Variants in MYPN observed in about 807,000 individuals in gnomAD.
The protein encoded by MYPN is myopalladin, also known as sarcomeric protein myopalladin, 145 kDa (MYOP).
A neutral mutation model predicts 129.4 loss-of-function variants in MYPN; 63 were observed. The observed-to-expected ratio is 0.49, with a 90% CI of 0.40 to 0.60. The LOEUF is 0.60. MYPN is among the 20% of genes least tolerant of loss of function. The pLI is 0.00. For synonymous variants in MYPN, 629 were observed against 600.9 expected (o/e 1.05, Z -0.68); for missense variants, 1,596 against 1,635.4 (o/e 0.98, Z 0.42).
intron 10 of MYPN, among the ~76,000 whole-genome samples, chr10:68,170,716 T>C (rs1393720895): frequency 6.6e-6 from 1 of 152,178 alleles, no homozygotes; most frequent in African/African-American, 2.4e-5. Context: ...AGAGCAGTGA[T>C]TCCTCACCCT....
chr10:68,201,220 T>C (rs1322543718), intron 17 of MYPN, among the ~76,000 whole-genome samples: 1 of 152,240 alleles, frequency 6.6e-6, no homozygotes, highest in African/African-American at 2.4e-5. Flanking sequence ...CCACCATTCC[T>C]GGCATTTGCA....
At chr10:68,175,580 G>C (rs1235927545) in intron 12 of MYPN, 119 bp downstream of exon 12, 2 of 1,112,882 alleles carry the variant, frequency 1.8e-6, no homozygotes, top group African/African-American at 3.1e-5. Flanking sequence ...AGCTCAGATG[G>C]TAGAGCACAG....
intron 1 of MYPN, among the ~76,000 whole-genome samples, chr10:68,099,274 T>C (rs2041971390): frequency 6.6e-6 from 1 of 152,208 alleles, no homozygotes; most frequent in Non-Finnish European, 1.5e-5. Flanking sequence ...ATATGCAGCA[T>C]GGCCTTTCTA....
At chr10:68,112,433 A>G (rs2042095249) in intron 1 of MYPN, among the ~76,000 whole-genome samples, 1 of 152,094 alleles carries the variant, frequency 6.6e-6, no homozygotes, top group Non-Finnish European at 1.5e-5. Context: ...TCTTTCCTAC[A>G]TTCTTACTTT....
chr10:68,206,926 A>G (rs775089239), intron 19 of MYPN, 23 bp downstream of exon 19: 1 of 1,613,962 alleles, frequency 6.2e-7, no homozygotes, highest in East Asian at 2.2e-5. Flanking sequence ...CTGTTAGTTG[A>G]ACATCTGTAT....
In MYPN at chr10:68,211,793, G is replaced by A. The variant is rs896640716; in HGVS notation, c.*1338G>A. Reference sequence around the variant, plus strand: ...CACACCAGTCCAAACACTGCCCTGGGAATGCTCATCACAGCACAGTTTGCT... The same window carrying A: ...CACACCAGTCCAAACACTGCCCTGGAAATGCTCATCACAGCACAGTTTGCT... On this transcript the variant is annotated 3_prime_UTR_variant, in exon 20 of 20. Transcript: ENST00000358913. The A allele has an allele frequency of 4.4e-6, 2 of 453,972 alleles. No individual in the cohort carries two copies. The highest frequency in any genetic ancestry group is 4.0e-5 in the African/African-American group (2 of 50,000). 28.1% of individuals were successfully genotyped at this position (453,972 alleles called of 1,614,324 possible).
At chr10:68,115,468 C>T (rs918737153) in intron 1 of MYPN, among the ~76,000 whole-genome samples, 8 of 152,096 alleles carry the variant, frequency 5.3e-5, no homozygotes, top group East Asian at 1.9e-4. Context: ...ATCAGCAAAC[C>T]GCATTGGCTC....
rs764138417 is a variant in MYPN at position 68,174,077 on chromosome 10, A to C, written c.1985A>C (p.Gln662Pro). ...TGTTTTGTGTACAGTGATTCCACTC[A>C]GTTACAACAGCTTCATAACCAAGTC... ...VLAKPKLDST[Q>P]LQQLHNQVLL... The change falls in exon 11 of 20, where the codon CAG becomes CCG. Residue 662 changes from glutamine (Q) to proline (P), a missense_variant. Physicochemically the swap from Gln to Pro is moderately conservative, Grantham distance 76. Coordinates refer to ENST00000358913, the MANE Select transcript of MYPN (RefSeq NM_032578.4). 2 of 1,612,984 alleles carry C rather than the reference A, an allele frequency of 1.2e-6. No homozygotes were observed.
intron 13 of MYPN, among the ~76,000 whole-genome samples, chr10:68,193,209 T>C (rs2134273043): frequency 6.6e-6 from 1 of 152,112 alleles, no homozygotes; most frequent in African/African-American, 2.4e-5. Flanking sequence ...TAGTGAAGTG[T>C]CTACAGAGGG....
intron 4 of MYPN, among the ~76,000 whole-genome samples, chr10:68,147,614 C>G (rs2042689748): frequency 6.6e-6 from 1 of 152,206 alleles, no homozygotes; most frequent in Admixed American, 6.5e-5. Context: ...AAGTCCAGAG[C>G]TTGTTGCTTT....
intron 7 of MYPN, among the ~76,000 whole-genome samples, chr10:68,160,371 AGT>A (rs2042953433): frequency 7.1e-6 from 1 of 141,630 alleles, no homozygotes. Flanking sequence ...GCTGAGTTGC[AGT>A]GAGCTGAGAT....
At chr10:68,161,499 G>C (rs537227151) in intron 7 of MYPN, among the ~76,000 whole-genome samples, 2 of 148,682 alleles carry the variant, frequency 1.3e-5, no homozygotes, top group African/African-American at 5.0e-5. Context: ...TGGGCAACAA[G>C]AGTGAAACTC....
Position 68,203,720 on chromosome 10 carries a change from C to CACAG in MYPN, c.3659+1727_3659+1728insCAGA, listed in dbSNP as rs1554851560. Among the ~76,000 whole-genome samples, 619 of 115,744 alleles carry CACAG rather than the reference C, an allele frequency of 5.3e-3. 3 individuals carry two copies. The highest frequency in any genetic ancestry group is 6.8e-3 in the Non-Finnish European group (334 of 49,046). 75.9% of individuals were successfully genotyped at this position (115,744 alleles called of 152,430 possible). ...ACACACACACACACACATACACACA[C>CACAG]AGAGAGAGAGAGAGAGAGAGAGAGA... On this transcript the variant is annotated intron_variant, in intron 18 of 19. Transcript: ENST00000358913.
chr10:68,126,729 C>T (rs1480368388), intron 2 of MYPN, among the ~76,000 whole-genome samples: 1 of 152,128 alleles, frequency 6.6e-6, no homozygotes, highest in Non-Finnish European at 1.5e-5. Context: ...CCAGCATGGA[C>T]TGAGATAAGG....
intron 18 of MYPN, 48 bp downstream of exon 18, chr10:68,202,042 T>G (rs2043724528): frequency 1.2e-6 from 2 of 1,601,832 alleles, no homozygotes; most frequent in Admixed American, 1.7e-5. Flanking sequence ...CAGTGGGGCT[T>G]GTTGCGCCAC....
rs1204086269 is a variant in MYPN at position 68,203,712 on chromosome 10, T to TACAC, written c.3659+1724_3659+1727dup. On this transcript the variant is annotated intron_variant, in intron 18 of 19. Coordinates refer to ENST00000358913, the MANE Select transcript of MYPN (RefSeq NM_032578.4). ...ACGCACACACACACACACACACACA[T>TACAC]ACACACACAGAGAGAGAGAGAGAGA... Among the ~76,000 whole-genome samples, 630 of 137,994 alleles carry TACAC rather than the reference T, an allele frequency of 4.6e-3. 2 individuals are homozygous for TACAC. Among genetic ancestry groups the TACAC allele is most frequent in the Non-Finnish European group, 6.6e-3 (419 of 63,950 alleles). 90.5% of individuals were successfully genotyped at this position (137,994 alleles called of 152,430 possible).
chr10:68,140,437 C>T (rs2134057053), intron 2 of MYPN, among the ~76,000 whole-genome samples: 1 of 151,546 alleles, frequency 6.6e-6, no homozygotes, highest in South Asian at 2.1e-4. Flanking sequence ...ACTGGTGAGG[C>T]AAGACACATT....
Position 68,121,663 on chromosome 10 carries a change from T to C in MYPN, c.225T>C (p.Ser75=). The C allele has an allele frequency of 1.2e-6, 2 of 1,614,224 alleles. No homozygotes were observed. The highest frequency in any genetic ancestry group is 1.7e-6 in the Non-Finnish European group (2 of 1,180,040). The change falls in exon 2 of 20, where the codon AGT becomes AGC. Residue 75 remains serine, a synonymous_variant. Coordinates refer to ENST00000358913, the MANE Select transcript of MYPN (RefSeq NM_032578.4). ...AFLSQEELDE[S]VNLARLAINY... ...TGAGCCAAGAAGAATTAGACGAAAG[T>C]GTCAATTTGGCAAGACTGGCCATCA...
At position 68,166,409 on chromosome 10, in the gene MYPN, A is replaced by C. The variant is rs567930066; in HGVS notation, c.1716A>C (p.Gln572His). Reference protein sequence around the residue: ...PPHSEPPSVEQPPKPKLEGVL... With the variant: ...PPHSEPPSVEHPPKPKLEGVL... ...ACTCAGAGCCTCCATCTGTGGAACA[A>C]CCCCCCAAACCCAAACTCGAGGGGG... Residue 572 changes from glutamine (Q) to histidine (H), a missense_variant, in exon 10 of 20, where the codon CAA (glutamine) becomes CAC (histidine). Physicochemically the swap from Gln to His is conservative, Grantham distance 24. Transcript: ENST00000358913. 4 of 1,613,654 alleles carry C rather than the reference A, an allele frequency of 2.5e-6. No homozygotes were observed. The African/African-American group carries it at 5.3e-5, about 22-fold the overall frequency.
Sources: allele counts gnomAD v4.1 joint callset (sites outside exome capture counted in the v4.1 genomes callset), GRCh38; gene constraint gnomAD v4.1.1; transcripts MANE v1.5; gene names NCBI Gene and HGNC (gene_info 2026-07-23, HGNC 2026-07-21).